The following AGMO variants were observed in gnomAD, a reference collection of about 807,000 sequenced individuals.
AGMO encodes the protein glyceryl-ether monooxygenase.
Under a neutral mutation model 60.2 loss-of-function variants are expected in AGMO, and 75 were observed. The ratio of observed to expected loss-of-function variants is 1.25; its 90% CI spans 1.03 to 1.51. AGMO has a LOEUF of 1.51. AGMO is among the 40% of genes most tolerant of loss of function. AGMO has a pLI of 0.00. For synonymous variants in AGMO, 261 were observed against 177.1 expected, an observed-to-expected ratio of 1.47 and a Z score of -3.76; for missense variants, 763 against 525.5, an observed-to-expected ratio of 1.45 and a Z score of -4.42.
At chr7:15,231,734 C>T (rs1782265463) in intron 12 of AGMO, among the ~76,000 whole-genome samples, 1 of 152,132 alleles carries the variant, frequency 6.6e-6, no homozygotes. Context: ...ACTTGTCTTG[C>T]AGCGTTCTGT....
At chr7:15,197,087 T>A (rs538387586), downstream of AGMO, among the ~76,000 whole-genome samples, 2 of 152,016 alleles carry the variant, frequency 1.3e-5, no homozygotes, top group African/African-American at 4.8e-5. Flanking sequence ...AGGCTTAAGA[T>A]AGAGCCAAGC....
intron 3 of AGMO, among the ~76,000 whole-genome samples, chr7:15,501,927 C>T (rs1783396223): frequency 6.6e-6 from 1 of 151,904 alleles, no homozygotes. Flanking sequence ...GTTAAAATTG[C>T]CATATCATTT....
At position 15,207,035 on chromosome 7, in the gene AGMO, A is replaced by G. The variant is rs368747798; in HGVS notation, c.1264-5676T>C. The stretch of plus-strand genomic sequence containing the variant: ...TCACTTCTAAAGGTCTAAACTGCCT[A>G]AGAAAGTGTGCATCCTTTTGGACAC... On this transcript the variant is annotated intron_variant, in intron 12 of 12. Transcript: ENST00000342526. Among the ~76,000 whole-genome samples, 29 of 152,288 alleles carry G rather than the reference A, an allele frequency of 1.9e-4. 1 individual carries two copies. Among genetic ancestry groups the G allele is most frequent in the East Asian group, 1.5e-3 (8 of 5,178 alleles).
chr7:15,542,334 T>A (rs1308704532), intron 3 of AGMO, among the ~76,000 whole-genome samples: 1 of 152,200 alleles, frequency 6.6e-6, no homozygotes, highest in African/African-American at 2.4e-5. Flanking sequence ...CCTTTTTTAC[T>A]GGATTCAGTT....
At chr7:15,365,917 C>T (rs1355155212) in intron 11 of AGMO, among the ~76,000 whole-genome samples, 1 of 151,972 alleles carries the variant, frequency 6.6e-6, no homozygotes, top group Non-Finnish European at 1.5e-5. Context: ...AAGTGAGACT[C>T]TTTTCACTGA....
intron 10 of AGMO, among the ~76,000 whole-genome samples, chr7:15,373,349 C>T (rs534022815): frequency 1.3e-5 from 2 of 152,094 alleles, no homozygotes; most frequent in African/African-American, 4.8e-5. Flanking sequence ...TTTACATTTG[C>T]AGCCCCAATT....
chr7:15,538,769 T>C (rs1007069118), intron 3 of AGMO, among the ~76,000 whole-genome samples: 1 of 152,166 alleles, frequency 6.6e-6, no homozygotes, highest in Admixed American at 6.5e-5. Flanking sequence ...TAATCTAACT[T>C]CAACTTCTAA....
At chr7:15,383,124 T>C (rs976612300) in intron 10 of AGMO, among the ~76,000 whole-genome samples, 8 of 152,104 alleles carry the variant, frequency 5.3e-5, no homozygotes, top group African/African-American at 1.9e-4. Context: ...TTCAGTGATG[T>C]ACAGATAAAC....
chr7:15,539,045 C>G (rs866172643), intron 3 of AGMO, among the ~76,000 whole-genome samples: 1 of 151,980 alleles, frequency 6.6e-6, no homozygotes, highest in African/African-American at 2.4e-5. Context: ...ATTTTGTAGC[C>G]TCAGTATATA....
the AGMO span, among the ~76,000 whole-genome samples, chr7:15,150,434 G>A: frequency 1.3e-5 from 2 of 152,108 alleles, no homozygotes; most frequent in Admixed American, 6.6e-5. Flanking sequence ...GATGTTGGCT[G>A]TGGTTTTGTC....
the AGMO span, among the ~76,000 whole-genome samples, chr7:15,152,493 C>G: frequency 4.6e-5 from 7 of 152,138 alleles, no homozygotes; most frequent in East Asian, 9.7e-4. Flanking sequence ...TCTCTCAACC[C>G]CCTCCCACCC....
chr7:15,457,721 TA>T (rs1389819396), intron 3 of AGMO, among the ~76,000 whole-genome samples: 3 of 152,136 alleles, frequency 2.0e-5, no homozygotes, highest in African/African-American at 7.2e-5. Flanking sequence ...GTGGTAATAA[TA>T]TTTAGAATAC....
At chr7:15,126,811 TC>T in the AGMO span, among the ~76,000 whole-genome samples, 1 of 152,142 alleles carries the variant, frequency 6.6e-6, no homozygotes, top group African/African-American at 2.4e-5. Flanking sequence ...TTTCCTTCCT[TC>T]CTTTTCAGAT....
chr7:15,322,585 AATATATAAAT>A (rs1446792531), intron 12 of AGMO, among the ~76,000 whole-genome samples: 1,431 of 28,798 alleles, frequency 0.05, 266 homozygotes, highest in Non-Finnish European at 0.065. Context: ...AATATATATA[AATATATAAAT>A]ATATATAAAT....
intron 3 of AGMO, among the ~76,000 whole-genome samples, chr7:15,526,095 G>A (rs1312913662): frequency 1.3e-5 from 2 of 152,130 alleles, no homozygotes; most frequent in Non-Finnish European, 2.9e-5. Flanking sequence ...GGTGGCCATG[G>A]GATTCACGCC....
intron 3 of AGMO, among the ~76,000 whole-genome samples, chr7:15,530,541 T>A (rs1247022281): frequency 1.0e-4 from 9 of 87,252 alleles, no homozygotes; most frequent in Admixed American, 3.4e-4. Flanking sequence ...TATTTCTATA[T>A]ATATTCTATA....
chr7:15,415,341 G>A lies in AGMO; in HGVS notation c.609+3217C>T, dbSNP rs138669314. On this transcript the variant is annotated intron_variant, in intron 5 of 12. Coordinates refer to ENST00000342526, the MANE Select transcript of AGMO (RefSeq NM_001004320.2). ...AGGCAGATCACAAGGTCAAGAGACC[G>A]AGACCATTCTGGCCAACATGGTGAA... Among the ~76,000 whole-genome samples, 520 of 151,926 alleles carry A rather than the reference G, an allele frequency of 3.4e-3. 2 individuals are homozygous for A. The highest frequency in any genetic ancestry group is 0.012 in the African/African-American group (491 of 41,450).
chr7:15,242,586 G>C (rs1159911373), intron 12 of AGMO, among the ~76,000 whole-genome samples: 1 of 152,072 alleles, frequency 6.6e-6, no homozygotes, highest in Non-Finnish European at 1.5e-5. Context: ...CAGAAACCAA[G>C]ACTGTTAAAC....
the AGMO span, among the ~76,000 whole-genome samples, chr7:15,190,150 TATATATATTTATA>T: frequency 2.0e-3 from 3 of 1,538 alleles, no homozygotes; most frequent in Non-Finnish European, 4.0e-3. Flanking sequence ...TATATATATA[TATATATATTTATA>T]TATATATATA....
Sources: gnomAD v4.1 joint callset for allele counts (sites outside exome capture counted in the v4.1 genomes callset) on GRCh38, gnomAD v4.1.1 for gene constraint, MANE v1.5 for transcripts, NCBI Gene and HGNC (gene_info 2026-07-23, HGNC 2026-07-21) for gene names.